Variants in CNIH3 observed in about 807,000 individuals in gnomAD.
The protein encoded by CNIH3 is cornichon family AMPA receptor auxiliary protein 3.
Under a neutral mutation model 24.1 loss-of-function variants are expected in CNIH3, and 14 were observed. That is an observed-to-expected ratio of 0.58 (90% confidence interval 0.38 to 0.91). The LOEUF (loss-of-function observed/expected upper bound fraction) is 0.91. Among genes scored for constraint, CNIH3 ranks in the 40% least tolerant of loss-of-function variants. The pLI is 0.00. For synonymous variants in CNIH3, 68 were observed against 73.8 expected (o/e 0.92, Z 0.40); for missense variants, 178 against 196.8 (o/e 0.90, Z 0.57).
chr1:224,507,269 T>A (rs1677958869), intron 1 of CNIH3, among the ~76,000 whole-genome samples: 1 of 152,120 alleles, frequency 6.6e-6, no homozygotes, highest in Admixed American at 6.6e-5. Flanking sequence ...AGGCCAGGTG[T>A]TGTTAAGACA....
chr1:224,739,351 T>C lies in CNIH3; in HGVS notation c.478T>C (p.Ser160Pro). The C allele has an allele frequency of 6.4e-7, 1 of 1,566,658 alleles. No homozygotes were observed. The highest frequency in any genetic ancestry group is 8.7e-7 in the Non-Finnish European group (1 of 1,154,428). ...LYCMIYTLVS[S>P] Reference sequence around the variant, plus strand: ...CAGCATGATCTACACTTTAGTGAGCTCTTAACGCAAAGACCATGCACATCA... The same window carrying C: ...CAGCATGATCTACACTTTAGTGAGCCCTTAACGCAAAGACCATGCACATCA... The change falls in exon 6 of 6, where the codon TCT becomes CCT. Residue 160 changes from serine to proline, a missense_variant. Coordinates refer to ENST00000272133, the MANE Select transcript of CNIH3 (RefSeq NM_152495.2).
At chr1:224,528,087 C>A (rs1440986638) in intron 2 of CNIH3, among the ~76,000 whole-genome samples, 2 of 151,790 alleles carry the variant, frequency 1.3e-5, no homozygotes, top group African/African-American at 2.4e-5. Flanking sequence ...CATGGCAGGA[C>A]CCCCATCTCT....
At chr1:224,663,843 A>G (rs375999170) in intron 1 of CNIH3, among the ~76,000 whole-genome samples, 1 of 152,208 alleles carries the variant, frequency 6.6e-6, no homozygotes, top group Non-Finnish European at 1.5e-5. Context: ...ATTTACCTTC[A>G]GCCAAAAAAG....
Position 224,681,001 on chromosome 1 carries a change from TAGACC to T in CNIH3, c.128_132del (p.Asp43ValfsTer32), listed in dbSNP as rs1356294858. 6.2e-7 allele frequency: 1 copy of T among 1,614,140 alleles called. No individual in the cohort carries two copies. The highest frequency in any genetic ancestry group is 8.5e-7 in the Non-Finnish European group (1 of 1,179,972). On this transcript the variant is annotated frameshift_variant, in exon 2 of 6. Coordinates refer to ENST00000272133, the MANE Select transcript of CNIH3 (RefSeq NM_152495.2). LOFTEE classifies it high-confidence loss of function. ...TTAAGGACAGATTTTAAGAGCCCCA[TAGACC>T]AGTGCAATCCTGTTCATGCGGTAAG... is the stretch of plus-strand genomic sequence containing the variant.
chr1:224,549,200 T>C (rs1679820750), intron 3 of CNIH3, among the ~76,000 whole-genome samples: 1 of 152,110 alleles, frequency 6.6e-6, no homozygotes, highest in South Asian at 2.1e-4. Context: ...AATATCATAG[T>C]GTGTACACAC....
chr1:224,644,407 A>G (rs1684502452), intron 1 of CNIH3, among the ~76,000 whole-genome samples: 1 of 151,526 alleles, frequency 6.6e-6, no homozygotes, highest in African/African-American at 2.4e-5. Context: ...TCTCTAGTGG[A>G]TGATTCCCCA....
intron 1 of CNIH3, among the ~76,000 whole-genome samples, chr1:224,456,704 C>T (rs887372954): frequency 6.6e-6 from 1 of 152,232 alleles, no homozygotes; most frequent in Non-Finnish European, 1.5e-5. Flanking sequence ...AGCCACTGTG[C>T]CCGGCCAAAG....
intron 3 of CNIH3, among the ~76,000 whole-genome samples, chr1:224,549,305 G>A (rs969624419): frequency 2.6e-5 from 4 of 151,950 alleles, no homozygotes; most frequent in Non-Finnish European, 5.9e-5. Context: ...GAGTGATGAT[G>A]TTTCCTTAAT....
chr1:224,694,351 A>G lies in CNIH3; in HGVS notation c.198+9508A>G, dbSNP rs541787649. ...CAGCAGCCCTCATGGCAGCAGGAGAAGAAACCCTAAAACTGTCAGGGACTT... is the reference window on the plus strand; with the variant it reads ...CAGCAGCCCTCATGGCAGCAGGAGAGGAAACCCTAAAACTGTCAGGGACTT... On this transcript the variant is annotated intron_variant, in intron 3 of 5. Transcript: ENST00000272133. 3.9e-5 allele frequency among the ~76,000 whole-genome samples: 6 copies of G among 152,348 alleles called. No homozygotes were observed. In the East Asian group the frequency reaches 1.2e-3, roughly 29 times the overall value.
At chr1:224,528,693 T>G (rs1678940860) in intron 2 of CNIH3, among the ~76,000 whole-genome samples, 1 of 152,188 alleles carries the variant, frequency 6.6e-6, no homozygotes, top group Non-Finnish European at 1.5e-5. Flanking sequence ...CCTTTGTATT[T>G]TCAAATTTTC....
chr1:224,698,842 C>T (rs1348024054), intron 3 of CNIH3, among the ~76,000 whole-genome samples: 1 of 151,952 alleles, frequency 6.6e-6, no homozygotes, highest in Non-Finnish European at 1.5e-5. Flanking sequence ...GCCAGTAATG[C>T]TTTGCTGATG....
At chr1:224,451,288 A>T (rs1043041993) in intron 1 of CNIH3, among the ~76,000 whole-genome samples, 1 of 152,196 alleles carries the variant, frequency 6.6e-6, no homozygotes. Context: ...ACTCAGAATT[A>T]TTCCCTTGAA....
At chr1:224,654,144 G>A (rs56121354) in intron 1 of CNIH3, among the ~76,000 whole-genome samples, 26,758 of 151,922 alleles carry the variant, frequency 0.18, 2,489 homozygotes, top group African/African-American at 0.23. Flanking sequence ...CACTTTGGGA[G>A]GCCAAGGCGG....
At chr1:224,434,721 C>A in exon 1 of CNIH3, 1 of 978,198 alleles carries the variant, frequency 1.0e-6, no homozygotes, top group Non-Finnish European at 1.2e-6. Flanking sequence ...GCAGCGGAGG[C>A]AGCTGCCGCC....
At chr1:224,636,755 A>C (rs1055158854) in intron 1 of CNIH3, among the ~76,000 whole-genome samples, 1 of 152,170 alleles carries the variant, frequency 6.6e-6, no homozygotes, top group Non-Finnish European at 1.5e-5. Context: ...GGGCTGAAGG[A>C]GAAAGACGTT....
intron 1 of CNIH3, among the ~76,000 whole-genome samples, chr1:224,483,073 C>T (rs2124824642): frequency 6.6e-6 from 1 of 152,318 alleles, no homozygotes; most frequent in South Asian, 2.1e-4. Context: ...CAGATTCTCT[C>T]TCTGTGCCAC....
At chr1:224,543,566 G>C (rs1679593164) in intron 2 of CNIH3, among the ~76,000 whole-genome samples, 2 of 151,500 alleles carry the variant, frequency 1.3e-5, no homozygotes, top group Non-Finnish European at 2.9e-5. Flanking sequence ...TGTGGAGTCA[G>C]TGCTGACTCT....
intron 3 of CNIH3, among the ~76,000 whole-genome samples, chr1:224,692,256 A>G (rs1298703523): frequency 6.6e-6 from 1 of 152,178 alleles, no homozygotes; most frequent in African/African-American, 2.4e-5. Flanking sequence ...CGGTGAGCCA[A>G]GGTCATGCCA....
chr1:224,461,376 G>A (rs143309264), intron 1 of CNIH3, among the ~76,000 whole-genome samples: 40 of 152,234 alleles, frequency 2.6e-4, no homozygotes, highest in Admixed American at 7.2e-4. Flanking sequence ...TAAACAACAT[G>A]AGTTTATAGC....
Sources: gnomAD v4.1 joint callset for allele counts (sites outside exome capture counted in the v4.1 genomes callset) on GRCh38, gnomAD v4.1.1 for gene constraint, MANE v1.5 for transcripts, NCBI Gene and HGNC (gene_info 2026-07-23, HGNC 2026-07-21) for gene names.